SLCO6A1: variants seen among roughly 807,000 people sequenced by gnomAD.
SLCO6A1 encodes the protein solute carrier organic anion transporter family member 6A1, also known as cancer/testis antigen 48.
SLCO6A1 carries 65 observed loss-of-function variants against 72.7 expected under a neutral mutation model. The observed-to-expected ratio is 0.89, with a 90% CI of 0.73 to 1.10. The LOEUF is 1.10. Ranked by LOEUF, SLCO6A1 falls within the 50% of genes least tolerant of loss-of-function variation. The pLI is 0.00. For missense variants in SLCO6A1, 874 were observed against 872.6 expected, an observed-to-expected ratio of 1.00 and a Z score of -0.02; for synonymous variants, 314 against 298.2, an observed-to-expected ratio of 1.05 and a Z score of -0.55.
chr5:102,436,994 C>G (rs1749575803), intron 7 of SLCO6A1, among the ~76,000 whole-genome samples: 1 of 152,136 alleles, frequency 6.6e-6, no homozygotes, highest in Admixed American at 6.6e-5. Flanking sequence ...GATCACATAG[C>G]TCTTAGAAGA....
intron 6 of SLCO6A1, among the ~76,000 whole-genome samples, chr5:102,443,831 C>G (rs1300183243): frequency 6.6e-6 from 1 of 152,078 alleles, no homozygotes; most frequent in East Asian, 1.9e-4. Context: ...AATAAATATA[C>G]AAAGAGTTTT....
At chr5:102,474,561 A>G (rs1165614906) in intron 4 of SLCO6A1, among the ~76,000 whole-genome samples, 2 of 152,114 alleles carry the variant, frequency 1.3e-5, no homozygotes, top group Non-Finnish European at 2.9e-5. Flanking sequence ...CAGCAAACCA[A>G]AAACAGACAA....
intron 7 of SLCO6A1, among the ~76,000 whole-genome samples, chr5:102,434,533 G>A (rs1749397494): frequency 6.6e-6 from 1 of 152,168 alleles, no homozygotes; most frequent in Non-Finnish European, 1.5e-5. Context: ...CTCTGACCAA[G>A]AAGTTTGGTG....
At chr5:102,469,484 C>T (rs1304404002) in intron 4 of SLCO6A1, among the ~76,000 whole-genome samples, 1 of 152,172 alleles carries the variant, frequency 6.6e-6, no homozygotes, top group African/African-American at 2.4e-5. Flanking sequence ...TATAGGAATG[C>T]TTGTGATTTT....
At chr5:102,479,608 C>A (rs1216140668) in intron 2 of SLCO6A1, among the ~76,000 whole-genome samples, 1 of 151,910 alleles carries the variant, frequency 6.6e-6, no homozygotes, top group Non-Finnish European at 1.5e-5. Flanking sequence ...CCCAATGTCC[C>A]CTTCATGTCC....
intron 4 of SLCO6A1, among the ~76,000 whole-genome samples, chr5:102,469,433 T>G (rs1410121817): frequency 2.0e-5 from 3 of 152,060 alleles, no homozygotes; most frequent in Admixed American, 1.3e-4. Flanking sequence ...AATTGTGAAT[T>G]GGAGTTCACT....
chr5:102,481,912 T>A (rs1752213956), intron 1 of SLCO6A1, among the ~76,000 whole-genome samples: 3 of 152,148 alleles, frequency 2.0e-5, no homozygotes, highest in Admixed American at 1.3e-4. Flanking sequence ...CAGCCCTAAC[T>A]AAATTTTTGA....
intron 2 of SLCO6A1, among the ~76,000 whole-genome samples, chr5:102,479,025 A>G (rs1752051823): frequency 6.6e-6 from 1 of 151,936 alleles, no homozygotes; most frequent in Non-Finnish European, 1.5e-5. Context: ...TATGCACTGT[A>G]CTCCACCTAC....
intron 1 of SLCO6A1, among the ~76,000 whole-genome samples, chr5:102,491,136 C>G (rs13187203): frequency 4.6e-5 from 7 of 152,162 alleles, no homozygotes; most frequent in Admixed American, 1.3e-4. Context: ...CAAGTCCCCA[C>G]AAGAGTAGAG....
intron 9 of SLCO6A1, among the ~76,000 whole-genome samples, chr5:102,404,311 T>C (rs1747554001): frequency 6.6e-6 from 1 of 152,224 alleles, no homozygotes; most frequent in East Asian, 1.9e-4. Context: ...CTGGCTAACA[T>C]GGTGAAACCC....
intron 7 of SLCO6A1, among the ~76,000 whole-genome samples, chr5:102,437,324 C>T (rs1721548853): frequency 1.3e-5 from 2 of 152,196 alleles, no homozygotes; most frequent in South Asian, 2.1e-4. Flanking sequence ...ATATCTCAGG[C>T]TAAGTGGAAA....
At chr5:102,469,721 A>T (rs1336163411) in intron 4 of SLCO6A1, among the ~76,000 whole-genome samples, 1 of 152,152 alleles carries the variant, frequency 6.6e-6, no homozygotes, top group Non-Finnish European at 1.5e-5. Flanking sequence ...GAGAGAGGGC[A>T]TCCTTGTCTT....
intron 6 of SLCO6A1, among the ~76,000 whole-genome samples, chr5:102,448,237 C>T (rs928861551): frequency 6.6e-6 from 1 of 152,092 alleles, no homozygotes; most frequent in Non-Finnish European, 1.5e-5. Context: ...TTTGAGAGTG[C>T]AGTTGGTATG....
At chr5:102,460,271 C>G (rs112165356) in intron 4 of SLCO6A1, among the ~76,000 whole-genome samples, 3 of 152,052 alleles carry the variant, frequency 2.0e-5, no homozygotes, top group African/African-American at 7.2e-5. Flanking sequence ...GTCCCTTCTC[C>G]GAACTTTCAG....
At chr5:102,388,587 T>C in intron 12 of SLCO6A1, 101 bp downstream of exon 12, 1 of 913,028 alleles carries the variant, frequency 1.1e-6, no homozygotes, top group South Asian at 2.2e-5. Context: ...AAAGTACTTA[T>C]TTAATTCATG....
intron 10 of SLCO6A1, 32 bp downstream of exon 10, chr5:102,399,523 A>G: frequency 8.0e-7 from 1 of 1,254,754 alleles, no homozygotes; most frequent in Admixed American, 3.0e-5. Context: ...TATATATTAA[A>G]TAAACAATAA....
chr5:102,468,242 T>C (rs1275460011), intron 4 of SLCO6A1, among the ~76,000 whole-genome samples: 1 of 152,150 alleles, frequency 6.6e-6, no homozygotes, highest in Non-Finnish European at 1.5e-5. Context: ...AGACATATTT[T>C]GTGGCCTATC....
In SLCO6A1 at chr5:102,422,649, T is replaced by C. The variant is rs536047422; in HGVS notation, c.1277-2628A>G. Among the ~76,000 whole-genome samples, 605 of 152,270 alleles carry C rather than the reference T, an allele frequency of 4.0e-3. 4 individuals are homozygous for C. The highest frequency in any genetic ancestry group is 0.017 in the Middle Eastern group (5 of 294). On this transcript the variant is annotated intron_variant, in intron 7 of 13. Transcript: ENST00000506729. Reference sequence around the variant, plus strand: ...ATGAAAAGACCAAACCTATGATTGATTGGTGTACCTGAAAGTGATGGGGAG... The same window carrying C: ...ATGAAAAGACCAAACCTATGATTGACTGGTGTACCTGAAAGTGATGGGGAG...
At chr5:102,462,111 T>C (rs1458475026) in intron 4 of SLCO6A1, among the ~76,000 whole-genome samples, 2 of 151,966 alleles carry the variant, frequency 1.3e-5, no homozygotes, top group Admixed American at 6.6e-5. Context: ...AATCAAGAAC[T>C]CAATCTCTTT....
Sources: allele counts gnomAD v4.1 joint callset (sites outside exome capture counted in the v4.1 genomes callset), GRCh38; gene constraint gnomAD v4.1.1; transcripts MANE v1.5; gene names NCBI Gene and HGNC (gene_info 2026-07-23, HGNC 2026-07-21).